STAU2: variants seen among roughly 807,000 people sequenced by gnomAD.
The protein encoded by STAU2 is staufen double-stranded RNA binding protein 2.
Under a neutral mutation model 65.9 loss-of-function variants are expected in STAU2, and 20 were observed. The ratio of observed to expected loss-of-function variants is 0.30; its 90% CI spans 0.21 to 0.44. The LOEUF is 0.44. STAU2 is among the 20% of genes least tolerant of loss of function. The pLI is 1.00. For synonymous variants in STAU2, 232 were observed against 233.9 expected (o/e 0.99, Z 0.07); for missense variants, 558 against 683.9 (o/e 0.82, Z 2.05).
At chr8:73,740,402 C>T (rs1806765572) in intron 1 of STAU2, among the ~76,000 whole-genome samples, 2 of 152,088 alleles carry the variant, frequency 1.3e-5, no homozygotes, top group African/African-American at 4.8e-5. Context: ...AAAATAAAAT[C>T]CCTGTTCAAC....
Position 73,558,753 on chromosome 8 carries a change from G to A in STAU2, c.1223-6434C>T, listed in dbSNP as rs555877788. 7.9e-5 allele frequency among the ~76,000 whole-genome samples: 12 copies of A among 152,208 alleles called. 1 individual carries two copies. The South Asian group carries it at 2.5e-3, about 32-fold the overall frequency. On this transcript the variant is annotated intron_variant, in intron 12 of 14. Coordinates refer to ENST00000524300, the MANE Select transcript of STAU2 (RefSeq NM_001164380.2). ...ACTCCCAGTTTCTCTGGAAGTCCTT[G>A]GAATGGGCATAGCTATTTCACAACA...
chr8:73,579,380 C>CTTAG lies in STAU2; in HGVS notation c.1222+3386_1222+3389dup, dbSNP rs557513933. The stretch of plus-strand genomic sequence containing the variant: ...GCACATACCAGTGAATACCTTTGAG[C>CTTAG]TTAGTCCAATCTTGAATTAAGCTAC... On this transcript the variant is annotated intron_variant, in intron 12 of 14. Coordinates refer to ENST00000524300, the MANE Select transcript of STAU2 (RefSeq NM_001164380.2). 3.7e-3 allele frequency among the ~76,000 whole-genome samples: 562 copies of CTTAG among 152,250 alleles called. 3 individuals are homozygous for CTTAG. The highest frequency in any genetic ancestry group is 0.013 in the African/African-American group (525 of 41,554).
chr8:73,447,717 C>T (rs1038911846), intron 13 of STAU2, among the ~76,000 whole-genome samples: 1 of 152,226 alleles, frequency 6.6e-6, no homozygotes, highest in Admixed American at 6.5e-5. Flanking sequence ...GGTGGAACCC[C>T]TGGAAGAACC....
intron 3 of STAU2, among the ~76,000 whole-genome samples, chr8:73,734,559 G>T: frequency 6.6e-6 from 1 of 152,104 alleles, no homozygotes; most frequent in South Asian, 2.1e-4. Flanking sequence ...ACTTTGAAAG[G>T]CCAAGGCAGG....
intron 13 of STAU2, among the ~76,000 whole-genome samples, chr8:73,425,432 G>A (rs1251157004): frequency 6.6e-6 from 1 of 152,124 alleles, no homozygotes; most frequent in African/African-American, 2.4e-5. Context: ...AGGGGCCTGG[G>A]ACAGATTCTC....
intron 13 of STAU2, among the ~76,000 whole-genome samples, chr8:73,474,498 G>A (rs940731485): frequency 3.3e-5 from 5 of 152,158 alleles, no homozygotes; most frequent in East Asian, 1.9e-4. Flanking sequence ...CTCACAATCC[G>A]CTGCTCTATT....
At chr8:73,486,239 TG>T (rs1434792076) in intron 13 of STAU2, among the ~76,000 whole-genome samples, 1 of 152,142 alleles carries the variant, frequency 6.6e-6, no homozygotes. Flanking sequence ...CCACTTTTTT[TG>T]TTGAATAAAT....
chr8:73,611,417 A>G (rs1812446758), intron 9 of STAU2, among the ~76,000 whole-genome samples: 1 of 152,118 alleles, frequency 6.6e-6, no homozygotes, highest in South Asian at 2.1e-4. Context: ...GTTCCTAAAA[A>G]AGTCAAGTTT....
At chr8:73,516,717 T>C (rs555279489) in intron 13 of STAU2, among the ~76,000 whole-genome samples, 15 of 152,258 alleles carry the variant, frequency 9.9e-5, no homozygotes, top group African/African-American at 3.6e-4. Context: ...TTTTAAATAG[T>C]GTAATAAATC....
intron 13 of STAU2, among the ~76,000 whole-genome samples, chr8:73,473,412 C>T (rs545336903): frequency 5.9e-5 from 9 of 152,148 alleles, no homozygotes; most frequent in Admixed American, 2.0e-4. Context: ...CTGTGCAATA[C>T]GGTTTTGAAA....
At chr8:73,687,217 T>C (rs1818914379) in intron 5 of STAU2, among the ~76,000 whole-genome samples, 1 of 139,946 alleles carries the variant, frequency 7.1e-6, no homozygotes, top group Non-Finnish European at 1.5e-5. Flanking sequence ...TTAATTTAAA[T>C]ATAAACTTAA....
intron 3 of STAU2, among the ~76,000 whole-genome samples, chr8:73,736,295 T>C (rs1806423492): frequency 1.3e-5 from 2 of 152,196 alleles, no homozygotes; most frequent in Admixed American, 6.5e-5. Flanking sequence ...TCTAGCACCA[T>C]TCATATATTC....
At chr8:73,439,541 C>T (rs1005141968) in intron 13 of STAU2, among the ~76,000 whole-genome samples, 2 of 152,142 alleles carry the variant, frequency 1.3e-5, no homozygotes, top group African/African-American at 4.8e-5. Flanking sequence ...TTGCTTGAAC[C>T]CGGGAGGTAG....
intron 6 of STAU2, among the ~76,000 whole-genome samples, chr8:73,621,221 C>A (rs1813204387): frequency 6.6e-6 from 1 of 152,034 alleles, no homozygotes; most frequent in South Asian, 2.1e-4. Context: ...GGGGCGGTTT[C>A]CCCCATGGTA....
At chr8:73,700,536 T>C (rs1820025380) in intron 4 of STAU2, among the ~76,000 whole-genome samples, 1 of 151,920 alleles carries the variant, frequency 6.6e-6, no homozygotes, top group Non-Finnish European at 1.5e-5. Flanking sequence ...GTAAACAATC[T>C]GAAAAAGAAA....
intron 5 of STAU2, among the ~76,000 whole-genome samples, chr8:73,680,461 A>T (rs1251747908): frequency 6.6e-6 from 1 of 152,162 alleles, no homozygotes. Context: ...GGATAAAAGA[A>T]TCTGAACAGC....
intron 13 of STAU2, among the ~76,000 whole-genome samples, chr8:73,452,144 G>A (rs191681970): frequency 3.9e-5 from 6 of 152,306 alleles, no homozygotes; most frequent in African/African-American, 1.2e-4. Context: ...TCGCTTTCTA[G>A]TATTTCAGGT....
chr8:73,728,029 C>T (rs746421319), intron 3 of STAU2: 1 of 152,120 alleles, frequency 6.6e-6, no homozygotes, highest in Non-Finnish European at 1.5e-5. Flanking sequence ...AAGTCCTTTG[C>T]CCATTTTTTA....
At chr8:73,476,892 A>G (rs1359448284) in intron 13 of STAU2, among the ~76,000 whole-genome samples, 1 of 152,240 alleles carries the variant, frequency 6.6e-6, no homozygotes, top group Non-Finnish European at 1.5e-5. Context: ...TAGGTACCAT[A>G]GAAATGTCAG....
Sources: allele counts gnomAD v4.1 joint callset (sites outside exome capture counted in the v4.1 genomes callset), GRCh38; gene constraint gnomAD v4.1.1; transcripts MANE v1.5; gene names NCBI Gene and HGNC (gene_info 2026-07-23, HGNC 2026-07-21).